STXBP3: variants seen among roughly 807,000 people sequenced by gnomAD.
The protein encoded by STXBP3 is syntaxin-binding protein 3.
Under a neutral mutation model 85.7 loss-of-function variants are expected in STXBP3, and 41 were observed. The observed-to-expected ratio is 0.48, with a 90% CI of 0.37 to 0.62. STXBP3 has a LOEUF of 0.62. STXBP3 is among the 20% of genes least tolerant of loss of function. The pLI, the probability that STXBP3 is intolerant of heterozygous loss-of-function variation, is 0.00. For synonymous variants in STXBP3, 229 were observed against 231.7 expected (o/e 0.99, Z 0.10); for missense variants, 563 against 703.1 (o/e 0.80, Z 2.25).
At position 108,798,335 on chromosome 1, in the gene STXBP3, A is replaced by G. The variant is rs1663158129; in HGVS notation, c.1449+98A>G. On this transcript the variant is annotated intron_variant, in intron 16 of 18. Coordinates refer to ENST00000370008, the MANE Select transcript of STXBP3 (RefSeq NM_007269.4). The stretch of plus-strand genomic sequence containing the variant: ...GTCAGTCTGAGTATATGTATTGGGC[A>G]GGAAGTTTCTGCAGTGGTTGGAGGC... The G allele has an allele frequency of 3.5e-6, 3 of 846,340 alleles. No individual in the cohort carries two copies. The South Asian group carries it at 7.0e-5, about 20-fold the overall frequency. The allele number at this position is 846,340 out of a possible 1,614,324, so 52.4% of individuals were successfully genotyped here.
At position 108,800,246 on chromosome 1, in the gene STXBP3, A is replaced by G. The variant is rs371359949; in HGVS notation, c.1476A>G (p.Ser492=). The G allele has an allele frequency of 1.9e-5, 30 of 1,612,046 alleles. No homozygotes were observed. Among genetic ancestry groups the G allele is most frequent in the Admixed American group, 3.3e-5 (2 of 59,998 alleles). ...ATGCTATTGATAATAGATTAGATTC[A>G]AAAGAATGGCCATATTGTTCCCAGT... ...MEDAIDNRLD[S]KEWPYCSQCP... The change falls in exon 17 of 19, where the codon TCA becomes TCG. Residue 492 remains serine, a synonymous_variant. Transcript: ENST00000370008.
chr1:108,797,311 T>TA (rs1236473401), intron 15 of STXBP3, among the ~76,000 whole-genome samples: 1 of 135,572 alleles, frequency 7.4e-6, no homozygotes, highest in Non-Finnish European at 1.5e-5. Flanking sequence ...CACACCACTG[T>TA]ACTCCAGCAC....
intron 1 of STXBP3, among the ~76,000 whole-genome samples, chr1:108,748,363 A>C (rs1044668603): frequency 6.6e-6 from 1 of 152,020 alleles, no homozygotes; most frequent in African/African-American, 2.4e-5. Flanking sequence ...TCTACAAAAA[A>C]ATTTTAAAAT....
intron 5 of STXBP3, among the ~76,000 whole-genome samples, chr1:108,759,751 A>G (rs1557801392): frequency 1.3e-5 from 2 of 152,184 alleles, no homozygotes; most frequent in Admixed American, 6.5e-5. Context: ...CTTTAAGGAA[A>G]TACATCTGAG....
chr1:108,772,348 TATG>T (rs547036341), intron 6 of STXBP3, among the ~76,000 whole-genome samples: 538 of 45,856 alleles, frequency 0.012, 182 homozygotes, highest in Non-Finnish European at 0.022. Flanking sequence ...TATAAATACA[TATG>T]ATATCTGTAT....
chr1:108,768,769 G>T (rs1662321121), intron 6 of STXBP3, among the ~76,000 whole-genome samples: 1 of 152,144 alleles, frequency 6.6e-6, no homozygotes, highest in Non-Finnish European at 1.5e-5. Flanking sequence ...ATATGATAGT[G>T]CTTCAAAGAA....
rs776756044 is a variant in STXBP3, at chr1:108,753,098, G to A, written c.135G>A (p.Leu45=). 10 of 1,583,996 alleles carry A rather than the reference G, an allele frequency of 6.3e-6. No homozygotes were observed. In the South Asian group the frequency reaches 9.3e-5, roughly 15 times the overall value. Residue 45 remains leucine (L), a synonymous_variant, in exon 3 of 19, where the codon TTG becomes TTA. Coordinates refer to ENST00000370008, the MANE Select transcript of STXBP3 (RefSeq NM_007269.4). The part of the protein sequence containing the change: ...MLLDEFTTKL[L]ASCCKMTDLL... ...TAGATGAATTTACCACTAAGCTTTTGGCATCGTGTTGCAAAATGACAGATC... is the reference window on the plus strand; with the variant it reads ...TAGATGAATTTACCACTAAGCTTTTAGCATCGTGTTGCAAAATGACAGATC...
chr1:108,746,726 A>C lies in STXBP3; in HGVS notation c.-12A>C, dbSNP rs200067017. The C allele has an allele frequency of 6.2e-4, 960 of 1,549,016 alleles. 1 individual carries two copies. The highest frequency in any genetic ancestry group is 8.0e-4 in the Non-Finnish European group (911 of 1,145,878). On this transcript the variant is annotated 5_prime_UTR_variant, in exon 1 of 19. Transcript: ENST00000370008. ...TGGAAGGTGGTGGCTGCTGCTCCGC[A>C]GTGTCGGGAAGATGGCGCCGCCGGT... is the stretch of plus-strand genomic sequence containing the variant.
chr1:108,747,675 G>A (rs1221897891), intron 1 of STXBP3, among the ~76,000 whole-genome samples: 1 of 152,094 alleles, frequency 6.6e-6, no homozygotes, highest in African/African-American at 2.4e-5. Flanking sequence ...CCAACTTGTT[G>A]AACAAAAAAC....
chr1:108,753,220 G>C (rs1017063713), intron 3 of STXBP3, 76 bp downstream of exon 3: 18 of 1,048,698 alleles, frequency 1.7e-5, no homozygotes, highest in Non-Finnish European at 2.3e-5. Context: ...TTAGTTAGTA[G>C]TTGTGTTTCT....
At chr1:108,789,628 A>G (rs1662934208) in intron 11 of STXBP3, among the ~76,000 whole-genome samples, 1 of 152,114 alleles carries the variant, frequency 6.6e-6, no homozygotes, top group African/African-American at 2.4e-5. Flanking sequence ...TCTTTGACCC[A>G]TGTGTTATAT....
intron 7 of STXBP3, among the ~76,000 whole-genome samples, chr1:108,773,588 C>G (rs1163841236): frequency 6.6e-6 from 1 of 152,106 alleles, no homozygotes; most frequent in South Asian, 2.1e-4. Context: ...GAAGGATGGC[C>G]AGAGCTCATC....
At position 108,802,624 on chromosome 1, in the gene STXBP3, T is replaced by C. The variant is rs188099103; in HGVS notation, c.1535+2319T>C. On this transcript the variant is annotated intron_variant, in intron 17 of 18. Coordinates refer to ENST00000370008, the MANE Select transcript of STXBP3 (RefSeq NM_007269.4). ...AAGGTTACATATTCACCACCACCGT[T>C]CTTACCAGATATGTTAGCAGATATT... Among the ~76,000 whole-genome samples, 41 of 152,312 alleles carry C rather than the reference T, an allele frequency of 2.7e-4. No homozygotes were observed. The East Asian group carries it at 7.7e-3, about 29-fold the overall frequency.
At chr1:108,796,128 G>C (rs1663089797) in intron 13 of STXBP3, 106 bp from the exon 14 acceptor site, 5 of 1,224,348 alleles carry the variant, frequency 4.1e-6, no homozygotes, top group Non-Finnish European at 5.6e-6. Flanking sequence ...CTCCCAAAGT[G>C]CTGGGATTAC....
intron 7 of STXBP3, among the ~76,000 whole-genome samples, chr1:108,775,115 A>G (rs1386395432): frequency 6.6e-6 from 1 of 152,058 alleles, no homozygotes; most frequent in East Asian, 1.9e-4. Context: ...ACAGAGTTTA[A>G]TTATTGTACA....
rs572322953 is a variant in STXBP3, at chr1:108,786,638, T to C, written c.963+3932T>C. Among the ~76,000 whole-genome samples, 23 of 152,346 alleles carry C rather than the reference T, an allele frequency of 1.5e-4. No individual in the cohort carries two copies. In the South Asian group the frequency reaches 4.6e-3, roughly 30 times the overall value. On this transcript the variant is annotated intron_variant, in intron 11 of 18. Transcript: ENST00000370008. ...GTGGACTCCATGTCCTTTTCCATGG[T>C]CAATTTGTCTATCCTTGTAACAAGA...
Position 108,800,204 on chromosome 1 carries a change from C to T in STXBP3, c.1450-16C>T, listed in dbSNP as rs1663202004. On this transcript the variant is annotated splice_polypyrimidine_tract_variant and intron_variant, in intron 16 of 18. Coordinates refer to ENST00000370008, the MANE Select transcript of STXBP3 (RefSeq NM_007269.4). Reference sequence around the variant, plus strand: ...TTTACAATTTTATTGATGGAATTAACTCTTTCCTTCCTTAGGATGCTATTG... The same window carrying T: ...TTTACAATTTTATTGATGGAATTAATTCTTTCCTTCCTTAGGATGCTATTG... The T allele has an allele frequency of 6.4e-7, 1 of 1,570,606 alleles. No homozygotes were observed. Among genetic ancestry groups the T allele is most frequent in the South Asian group, 1.1e-5 (1 of 89,908 alleles).
chr1:108,795,553 T>A (rs1005196032), intron 13 of STXBP3, among the ~76,000 whole-genome samples: 4 of 151,858 alleles, frequency 2.6e-5, no homozygotes, highest in African/African-American at 9.7e-5. Context: ...TATTTCAACA[T>A]ATAATCAGTA....
chr1:108,790,940 A>G (rs1662961256), intron 11 of STXBP3, among the ~76,000 whole-genome samples: 1 of 152,100 alleles, frequency 6.6e-6, no homozygotes, highest in Non-Finnish European at 1.5e-5. Flanking sequence ...TAAAAGCAAG[A>G]TGTTATTTTG....
Sources: allele counts gnomAD v4.1 joint callset (sites outside exome capture counted in the v4.1 genomes callset), GRCh38; gene constraint gnomAD v4.1.1; transcripts MANE v1.5; gene names NCBI Gene and HGNC (gene_info 2026-07-23, HGNC 2026-07-21).